The following TNFRSF19 variants were observed in gnomAD, a reference collection of about 807,000 sequenced individuals.
The protein encoded by TNFRSF19 is TNF receptor superfamily member 19.
In TNFRSF19, 27 loss-of-function variants were observed where a neutral mutation model predicts 46.4. That is an observed-to-expected ratio of 0.58 (90% CI 0.43 to 0.80). The LOEUF is 0.80. TNFRSF19 is among the 30% of genes least tolerant of loss of function. The probability of loss-of-function intolerance (pLI) is 0.00; values close to 1 mark genes in which losing one functional copy is unlikely to be tolerated. For synonymous variants in TNFRSF19, 204 were observed against 205.0 expected, an observed-to-expected ratio of 1.00 and a Z score of 0.04; for missense variants, 511 against 530.8, an observed-to-expected ratio of 0.96 and a Z score of 0.37.
intron 5 of TNFRSF19, 30 bp downstream of exon 5, chr13:23,626,822 G>A (rs2138292276): frequency 6.2e-7 from 1 of 1,601,824 alleles, no homozygotes; most frequent in Non-Finnish European, 8.5e-7. Flanking sequence ...GCAGAGCCAA[G>A]GGGACGCCTG....
chr13:23,642,188 A>G (rs1489528453), intron 5 of TNFRSF19, among the ~76,000 whole-genome samples: 7 of 152,192 alleles, frequency 4.6e-5, no homozygotes, highest in Admixed American at 2.0e-4. Flanking sequence ...TCTCCTTCTT[A>G]ACTTTAGTAC....
chr13:23,579,380 C>G lies in TNFRSF19; in HGVS notation c.-35+8532C>G, dbSNP rs544514359. ...CGGCCGTTGCCGGGCTACGGGAGAG[C>G]GCGGAGCCCTGCGCTGGGAGGTGCA... On this transcript the variant is annotated intron_variant, in intron 1 of 9. Transcript: ENST00000248484. The G allele has an allele frequency of 4.3e-4, 65 of 152,824 alleles. 1 individual carries two copies. The East Asian group carries it at 0.012, about 28-fold the overall frequency. The allele number at this position is 152,824 out of a possible 1,614,324, so 9.5% of individuals were successfully genotyped here.
At chr13:23,576,111 G>A (rs984722758) in intron 1 of TNFRSF19, among the ~76,000 whole-genome samples, 1 of 151,172 alleles carries the variant, frequency 6.6e-6, no homozygotes, top group African/African-American at 2.4e-5. Context: ...GTTTCATTTT[G>A]CATGAGCCTA....
rs1951786013 is a variant in TNFRSF19 at position 23,673,336 on chromosome 13, A to G, written c.1246-36A>G. On this transcript the variant is annotated intron_variant, in intron 9 of 9. Coordinates refer to ENST00000248484, the MANE Select transcript of TNFRSF19 (RefSeq NM_148957.4). ...ATTTAGCAGATTTAACTTGTAAGAC[A>G]TTATTTCTAAAGCTTCCTTTCTGTT... 13 of 1,586,592 alleles carry G rather than the reference A, an allele frequency of 8.2e-6. No homozygotes were observed. In the East Asian group the frequency reaches 2.9e-4, roughly 36 times the overall value.
intron 5 of TNFRSF19, among the ~76,000 whole-genome samples, chr13:23,649,412 TTC>T (rs1279245820): frequency 6.6e-6 from 1 of 152,180 alleles, no homozygotes; most frequent in Non-Finnish European, 1.5e-5. Flanking sequence ...TTTAGTAATA[TTC>T]TCTTTCATTT....
At chr13:23,598,121 A>G (rs766994013) in intron 3 of TNFRSF19, among the ~76,000 whole-genome samples, 1 of 152,200 alleles carries the variant, frequency 6.6e-6, no homozygotes, top group Non-Finnish European at 1.5e-5. Context: ...ATTTATGACA[A>G]ACCCACAGCT....
intron 3 of TNFRSF19, among the ~76,000 whole-genome samples, chr13:23,610,460 T>A (rs1173826857): frequency 6.6e-6 from 1 of 152,146 alleles, no homozygotes; most frequent in Non-Finnish European, 1.5e-5. Flanking sequence ...TCTGCTCCCT[T>A]GGGACCAAGA....
intron 1 of TNFRSF19, among the ~76,000 whole-genome samples, chr13:23,583,791 G>A (rs1878630745): frequency 1.3e-5 from 2 of 152,218 alleles, no homozygotes; most frequent in Non-Finnish European, 2.9e-5. Context: ...TGAGAGATGG[G>A]TATGCACAAT....
At chr13:23,648,873 T>C (rs576284388) in intron 5 of TNFRSF19, among the ~76,000 whole-genome samples, 1 of 152,222 alleles carries the variant, frequency 6.6e-6, no homozygotes. Context: ...TATTGCTTAT[T>C]GTATTGATTG....
At chr13:23,662,153 G>T (rs1476561667) in intron 7 of TNFRSF19, among the ~76,000 whole-genome samples, 5 of 152,170 alleles carry the variant, frequency 3.3e-5, no homozygotes, top group Non-Finnish European at 7.4e-5. Flanking sequence ...TTCTTCCAGG[G>T]TTTTATAGTT....
rs751217885 is a variant in TNFRSF19, at chr13:23,616,013, C to T, written c.327C>T (p.Thr109=). The T allele has an allele frequency of 1.6e-5, 25 of 1,610,726 alleles. No individual in the cohort carries two copies. Among genetic ancestry groups the T allele is most frequent in the Admixed American group, 6.7e-5 (4 of 59,910 alleles). The stretch of plus-strand genomic sequence containing the variant: ...TTCAGAAGGCAAATTGTTCAGCCAC[C>T]AGTGATGCCATCTGCGGGGACTGCT... The part of the protein sequence containing the change: ...NRFQKANCSA[T]SDAICGDCLP... Residue 109 remains threonine (T), a synonymous_variant, in exon 4 of 10, where the codon ACC becomes ACT. Transcript: ENST00000248484.
intron 5 of TNFRSF19, among the ~76,000 whole-genome samples, chr13:23,638,862 C>T (rs956866269): frequency 6.6e-6 from 1 of 152,134 alleles, no homozygotes; most frequent in African/African-American, 2.4e-5. Flanking sequence ...GTCCTGTTTT[C>T]CTTGAGTTTC....
intron 5 of TNFRSF19, among the ~76,000 whole-genome samples, chr13:23,628,282 G>A (rs1882134638): frequency 6.6e-6 from 1 of 152,120 alleles, no homozygotes; most frequent in Admixed American, 6.5e-5. Context: ...TCTTTCTTGT[G>A]TTGTTTGCTT....
intron 5 of TNFRSF19, among the ~76,000 whole-genome samples, chr13:23,632,326 G>T (rs1451327873): frequency 6.6e-6 from 1 of 152,142 alleles, no homozygotes; most frequent in African/African-American, 2.4e-5. Context: ...GAGAAGGGGT[G>T]GCTTCTTATA....
At chr13:23,597,323 G>C (rs575420885) in intron 3 of TNFRSF19, among the ~76,000 whole-genome samples, 1 of 151,710 alleles carries the variant, frequency 6.6e-6, no homozygotes, top group East Asian at 1.9e-4. Context: ...TTTTTTAAAA[G>C]ATTAACAAAA....
rs1328354844 is a variant in TNFRSF19 at position 23,674,408 on chromosome 13, A to G, written c.*1028A>G. On this transcript the variant is annotated 3_prime_UTR_variant, in exon 10 of 10. Transcript: ENST00000248484. ...TGCACAATTTGTAGGGGTTTGGATG[A>G]AGCAGCTGTAACTGCCCTAGTGTAG... is the stretch of plus-strand genomic sequence containing the variant. The G allele has an allele frequency of 2.0e-5, 3 of 152,228 alleles. No individual in the cohort carries two copies. The highest frequency in any genetic ancestry group is 4.4e-5 in the Non-Finnish European group (3 of 68,044). 9.4% of individuals were successfully genotyped at this position (152,228 alleles called of 1,614,324 possible). A position where few individuals can be genotyped will look rare whatever the true frequency, so the allele number is the denominator to read the frequency against.
At chr13:23,628,840 G>A (rs746531617) in intron 5 of TNFRSF19, among the ~76,000 whole-genome samples, 2 of 152,110 alleles carry the variant, frequency 1.3e-5, no homozygotes, top group Non-Finnish European at 2.9e-5. Context: ...AAGCAAGGAA[G>A]AATAAGCTAT....
intron 5 of TNFRSF19, among the ~76,000 whole-genome samples, chr13:23,642,701 T>G (rs1883099219): frequency 6.6e-6 from 1 of 152,230 alleles, no homozygotes; most frequent in Non-Finnish European, 1.5e-5. Flanking sequence ...GGAGGGAGGC[T>G]CTATCTAAAT....
At chr13:23,642,169 A>G (rs181162631) in intron 5 of TNFRSF19, among the ~76,000 whole-genome samples, 26 of 152,334 alleles carry the variant, frequency 1.7e-4, no homozygotes, top group Non-Finnish European at 3.1e-4. Flanking sequence ...TTTGTTTTTA[A>G]TCATTAATTC....
Sources: allele counts gnomAD v4.1 joint callset (sites outside exome capture counted in the v4.1 genomes callset), GRCh38; gene constraint gnomAD v4.1.1; transcripts MANE v1.5; gene names NCBI Gene and HGNC (gene_info 2026-07-23, HGNC 2026-07-21).